The following HEMK2 variants were observed in gnomAD, a reference collection of about 807,000 sequenced individuals.
The protein encoded by HEMK2 is methyltransferase HEMK2.
the HEMK2 span, among the ~76,000 whole-genome samples, chr21:28,814,877 TGGG>T: frequency 3.3e-5 from 5 of 152,164 alleles, no homozygotes; most frequent in Admixed American, 3.3e-4. Flanking sequence ...ATCCCATTAC[TGGG>T]TATATACCCA....
At chr21:28,745,390 A>G in the HEMK2 span, among the ~76,000 whole-genome samples, 8,784 of 152,286 alleles carry the variant, frequency 0.058, 356 homozygotes, top group Middle Eastern at 0.11. Context: ...TATTTAAACA[A>G]GCAGATGGAT....
chr21:28,590,186 A>G, the HEMK2 span, among the ~76,000 whole-genome samples: 1 of 152,214 alleles, frequency 6.6e-6, no homozygotes, highest in Non-Finnish European at 1.5e-5. Context: ...AAATGTCAAC[A>G]AAGCCTGCAG....
chr21:28,833,511 T>C, the HEMK2 span, among the ~76,000 whole-genome samples: 1 of 152,248 alleles, frequency 6.6e-6, no homozygotes, highest in Non-Finnish European at 1.5e-5. Context: ...AAGAATGACT[T>C]ACCAGGTACA....
the HEMK2 span, among the ~76,000 whole-genome samples, chr21:28,694,666 T>G: frequency 2.6e-5 from 4 of 152,158 alleles, no homozygotes; most frequent in Admixed American, 1.3e-4. Flanking sequence ...CTGGAACATT[T>G]ATCTCTTCCT....
At chr21:28,811,019 T>C in the HEMK2 span, among the ~76,000 whole-genome samples, 2 of 152,174 alleles carry the variant, frequency 1.3e-5, no homozygotes, top group Non-Finnish European at 2.9e-5. Context: ...AAAGGCTAAG[T>C]TGTGCAATAC....
the HEMK2 span, among the ~76,000 whole-genome samples, chr21:28,841,288 A>ATATAATATATAT: frequency 1.6e-4 from 1 of 6,188 alleles, no homozygotes; most frequent in Non-Finnish European, 2.1e-4. Flanking sequence ...TATATATAAT[A>ATATAATATATAT]TATATTATAT....
the HEMK2 span, among the ~76,000 whole-genome samples, chr21:28,635,230 C>A: frequency 6.6e-6 from 1 of 151,842 alleles, no homozygotes; most frequent in Admixed American, 6.6e-5. Context: ...GCCTCCCAAG[C>A]TAGCTGGCAT....
At chr21:28,760,362 T>G in the HEMK2 span, among the ~76,000 whole-genome samples, 8 of 152,176 alleles carry the variant, frequency 5.3e-5, no homozygotes, top group Non-Finnish European at 5.9e-5. Flanking sequence ...AGAGTAAAAT[T>G]TTAGGCTTTG....
At chr21:28,604,387 T>TG in the HEMK2 span, among the ~76,000 whole-genome samples, 11 of 152,244 alleles carry the variant, frequency 7.2e-5, no homozygotes, top group Middle Eastern at 3.4e-3. Context: ...ATTGTGCACA[T>TG]GTACCCTAGA....
chr21:28,836,635 A>G, the HEMK2 span, among the ~76,000 whole-genome samples: 1 of 152,236 alleles, frequency 6.6e-6, no homozygotes, highest in Non-Finnish European at 1.5e-5. Flanking sequence ...AAAGAGCACA[A>G]TGAATGCAAT....
At chr21:28,721,491 C>CT in the HEMK2 span, among the ~76,000 whole-genome samples, 4 of 152,044 alleles carry the variant, frequency 2.6e-5, no homozygotes, top group Non-Finnish European at 4.4e-5. Flanking sequence ...TTAATTTTAT[C>CT]TTTTTTTAAC....
At chr21:28,826,575 G>A in the HEMK2 span, among the ~76,000 whole-genome samples, 2 of 152,088 alleles carry the variant, frequency 1.3e-5, no homozygotes, top group African/African-American at 2.4e-5. Context: ...CTAATCATGA[G>A]AGATGTTTAA....
At chr21:28,854,121 T>G in the HEMK2 span, among the ~76,000 whole-genome samples, 15 of 152,224 alleles carry the variant, frequency 9.9e-5, no homozygotes, top group Non-Finnish European at 2.2e-4. Context: ...TTCATCATTT[T>G]GTCCACCAAA....
At chr21:28,657,619 T>C in the HEMK2 span, among the ~76,000 whole-genome samples, 1 of 152,092 alleles carries the variant, frequency 6.6e-6, no homozygotes, top group Non-Finnish European at 1.5e-5. Flanking sequence ...TCAGAACACT[T>C]GAGATTCATA....
the HEMK2 span, chr21:28,885,302 C>T: frequency 6.3e-7 from 1 of 1,588,782 alleles, no homozygotes; most frequent in Non-Finnish European, 8.6e-7. Context: ...GGCGCCGCGG[C>T]CCACGTGCCC....
At chr21:28,613,213 T>G in the HEMK2 span, among the ~76,000 whole-genome samples, 1 of 152,204 alleles carries the variant, frequency 6.6e-6, no homozygotes, top group South Asian at 2.1e-4. Context: ...TGTATCTGTA[T>G]GTATATATAG....
the HEMK2 span, among the ~76,000 whole-genome samples, chr21:28,849,136 C>T: frequency 6.6e-6 from 1 of 152,148 alleles, no homozygotes; most frequent in Non-Finnish European, 1.5e-5. Flanking sequence ...ACCTCAGCCC[C>T]TCCGGTACAG....
At chr21:28,874,096 T>C in the HEMK2 span, 2 of 152,240 alleles carry the variant, frequency 1.3e-5, no homozygotes, top group Admixed American at 6.5e-5. Context: ...GTGTTATTAC[T>C]GTCTTCAAAA....
the HEMK2 span, among the ~76,000 whole-genome samples, chr21:28,811,393 GAA>G: frequency 9.4e-6 from 1 of 105,880 alleles, no homozygotes; most frequent in African/African-American, 4.5e-5. Context: ...GAAGGAAGGA[GAA>G]ACAGAGAAGG....
Sources: gnomAD v4.1 joint callset for allele counts (sites outside exome capture counted in the v4.1 genomes callset) on GRCh38, gnomAD v4.1.1 for gene constraint, MANE v1.5 for transcripts, NCBI Gene and HGNC (gene_info 2026-07-23, HGNC 2026-07-21) for gene names.